The following DNAJC1 variants were observed in gnomAD, a reference collection of about 807,000 sequenced individuals.
DNAJC1 encodes DnaJ heat shock protein family (Hsp40) member C1.
In DNAJC1, 58 loss-of-function variants were observed where a neutral mutation model predicts 76.6. The ratio of observed to expected loss-of-function variants is 0.76; its 90% confidence interval spans 0.61 to 0.94. The LOEUF (loss-of-function observed/expected upper bound fraction) is 0.94, where lower values mean the gene tolerates loss of function less well. DNAJC1 is among the 40% of genes least tolerant of loss of function. The pLI, the probability that DNAJC1 is intolerant of heterozygous loss-of-function variation, is 0.00. For synonymous variants in DNAJC1, 258 were observed against 267.9 expected, an observed-to-expected ratio of 0.96 and a Z score of 0.36; for missense variants, 689 against 677.3, an observed-to-expected ratio of 1.02 and a Z score of -0.19.
intron 6 of DNAJC1, among the ~76,000 whole-genome samples, chr10:21,915,083 C>T (rs1226046097): frequency 2.0e-5 from 3 of 152,172 alleles, no homozygotes; most frequent in African/African-American, 7.2e-5. Flanking sequence ...CATTTAATAT[C>T]TTTTTATTGA....
rs2131671805 is a variant in DNAJC1, at chr10:21,834,546, G to C, written c.979-28447C>G. 2.0e-5 allele frequency among the ~76,000 whole-genome samples: 3 copies of C among 152,324 alleles called. No homozygotes were observed. The South Asian group carries it at 6.2e-4, about 32-fold the overall frequency. On this transcript the variant is annotated intron_variant, in intron 8 of 11. Transcript: ENST00000376980. ...GCATCGCCTCACCCTGGAAGCCCAA[G>C]GGGTCAGGGAATTCCCTTTCCTAGT... is the stretch of plus-strand genomic sequence containing the variant.
At chr10:21,911,273 T>C (rs1836859571) in intron 6 of DNAJC1, among the ~76,000 whole-genome samples, 1 of 152,174 alleles carries the variant, frequency 6.6e-6, no homozygotes, top group South Asian at 2.1e-4. Flanking sequence ...TCTCTTTCGT[T>C]TGAGGCTTAG....
intron 1 of DNAJC1, among the ~76,000 whole-genome samples, chr10:21,941,268 CAAA>C (rs11435502): frequency 2.3e-5 from 1 of 43,656 alleles, no homozygotes; most frequent in Non-Finnish European, 3.8e-5. Flanking sequence ...GACACTGTCT[CAAA>C]AAAAAAAAAA....
In DNAJC1 at chr10:21,872,849, G is replaced by A. The variant is rs1013929938; in HGVS notation, c.978+9433C>T. Among the ~76,000 whole-genome samples, 7 of 152,162 alleles carry A rather than the reference G, an allele frequency of 4.6e-5. No individual in the cohort carries two copies. The South Asian group carries it at 1.0e-3, about 23-fold the overall frequency. On this transcript the variant is annotated intron_variant, in intron 8 of 11. Transcript: ENST00000376980. Reference sequence around the variant, plus strand: ...ATAAATTCCAATGGACCTAAGGGAGGAGACCACCCCTCATATTGTCTTACA... The same window carrying A: ...ATAAATTCCAATGGACCTAAGGGAGAAGACCACCCCTCATATTGTCTTACA...
chr10:21,956,978 G>A (rs1416268647), intron 1 of DNAJC1, among the ~76,000 whole-genome samples: 27 of 147,836 alleles, frequency 1.8e-4, no homozygotes, highest in Non-Finnish European at 2.4e-4. Context: ...TGCAACCTCC[G>A]CCTCCCGGGT....
At chr10:21,838,102 C>T (rs1176284385) in intron 8 of DNAJC1, among the ~76,000 whole-genome samples, 1 of 152,048 alleles carries the variant, frequency 6.6e-6, no homozygotes, top group East Asian at 1.9e-4. Flanking sequence ...CTCTGCCCGG[C>T]CGCCACCCCG....
At chr10:21,846,060 A>C (rs1299908323) in intron 8 of DNAJC1, among the ~76,000 whole-genome samples, 1 of 152,244 alleles carries the variant, frequency 6.6e-6, no homozygotes, top group Admixed American at 6.5e-5. Flanking sequence ...ATCCAATTAA[A>C]GGTAGACTGG....
intron 9 of DNAJC1, among the ~76,000 whole-genome samples, chr10:21,797,837 T>C (rs1389233649): frequency 6.6e-6 from 1 of 152,316 alleles, no homozygotes; most frequent in African/African-American, 2.4e-5. Context: ...GCCTCCAGAA[T>C]TGTAAGAAAT....
chr10:21,834,214 A>G (rs556850682), intron 8 of DNAJC1, among the ~76,000 whole-genome samples: 8 of 152,116 alleles, frequency 5.3e-5, no homozygotes, highest in Non-Finnish European at 1.2e-4. Flanking sequence ...CAGTGAGCTG[A>G]GATCGTGCCA....
Position 21,759,238 on chromosome 10 carries a change from G to C in DNAJC1, c.1528C>G (p.Gln510Glu). ...TCAGAGGATCCCCTTGGGTACTGCT[G>C]CAACGCCAGTTCCAGAAGTTTCTGT... ...NQQKLLELAL[Q>E]QYPRGSSDRW... The change falls in exon 11 of 12, where the codon CAG becomes GAG. Residue 510 changes from glutamine (Q) to glutamate (E), a missense_variant. Physicochemically the swap from Gln to Glu is conservative, Grantham distance 29. Coordinates refer to ENST00000376980, the MANE Select transcript of DNAJC1 (RefSeq NM_022365.4). 1 of 1,614,204 alleles carries C rather than the reference G, an allele frequency of 6.2e-7. No individual in the cohort carries two copies.
intron 8 of DNAJC1, among the ~76,000 whole-genome samples, chr10:21,824,237 A>C (rs1006993724): frequency 1.2e-4 from 18 of 152,248 alleles, no homozygotes; most frequent in African/African-American, 4.1e-4. Flanking sequence ...ATTCAATAAC[A>C]GTAGCAGTAT....
chr10:21,908,215 T>A (rs113636524), intron 6 of DNAJC1, among the ~76,000 whole-genome samples: 2 of 82,682 alleles, frequency 2.4e-5, no homozygotes, highest in African/African-American at 5.5e-5. Flanking sequence ...AAAATATATA[T>A]TATATATAAT....
At chr10:21,853,684 A>G (rs1835788653) in intron 8 of DNAJC1, among the ~76,000 whole-genome samples, 1 of 149,952 alleles carries the variant, frequency 6.7e-6, no homozygotes, top group African/African-American at 2.5e-5. Context: ...ATCCTAGCTC[A>G]TCAGGAGGCT....
At chr10:21,870,184 A>G (rs758676064) in intron 8 of DNAJC1, among the ~76,000 whole-genome samples, 1 of 152,100 alleles carries the variant, frequency 6.6e-6, no homozygotes, top group Non-Finnish European at 1.5e-5. Context: ...TAACAAAACA[A>G]AGGTGAAAAA....
intron 4 of DNAJC1, 163 bp downstream of exon 4, chr10:21,920,635 G>T: frequency 1.8e-6 from 1 of 560,178 alleles, no homozygotes; most frequent in Non-Finnish European, 2.7e-6. Flanking sequence ...CTTATTTCAT[G>T]GGTTCTTCTT....
chr10:21,802,440 T>C (rs866105789), intron 9 of DNAJC1, among the ~76,000 whole-genome samples: 5 of 152,174 alleles, frequency 3.3e-5, no homozygotes, highest in Admixed American at 2.0e-4. Flanking sequence ...TAACAATATA[T>C]AAATTTCCCC....
At chr10:21,853,053 G>A (rs1449615458) in intron 8 of DNAJC1, among the ~76,000 whole-genome samples, 1 of 152,080 alleles carries the variant, frequency 6.6e-6, no homozygotes, top group Non-Finnish European at 1.5e-5. Flanking sequence ...ACAAAACAGA[G>A]CATGTCAATA....
intron 8 of DNAJC1, among the ~76,000 whole-genome samples, chr10:21,834,127 G>A (rs1044041816): frequency 7.9e-5 from 12 of 152,080 alleles, no homozygotes; most frequent in South Asian, 2.1e-4. Context: ...AACCGGGCAC[G>A]GTGGCGGGCG....
At chr10:21,966,412 C>T (rs1341720379) in intron 1 of DNAJC1, among the ~76,000 whole-genome samples, 4 of 143,214 alleles carry the variant, frequency 2.8e-5, no homozygotes, top group Non-Finnish European at 6.0e-5. Context: ...ACAGTAAATG[C>T]TGGGGTGTTT....
Sources: allele counts gnomAD v4.1 joint callset (sites outside exome capture counted in the v4.1 genomes callset), GRCh38; gene constraint gnomAD v4.1.1; transcripts MANE v1.5; gene names NCBI Gene and HGNC (gene_info 2026-07-23, HGNC 2026-07-21).